The following PKD1L1 variants were observed in gnomAD, a reference collection of about 807,000 sequenced individuals.
PKD1L1 encodes polycystin 1 like 1, transient receptor potential channel interacting.
Under a neutral mutation model 323.4 loss-of-function variants are expected in PKD1L1, and 236 were observed. The observed-to-expected ratio is 0.73, with a 90% CI of 0.66 to 0.81. PKD1L1 has a LOEUF of 0.81. Ranked by LOEUF, PKD1L1 falls within the 40% of genes least tolerant of loss-of-function variation. PKD1L1 has a pLI of 0.00. For missense variants in PKD1L1, 3,320 were observed against 3,508.0 expected (o/e 0.95, Z 1.35); for synonymous variants, 1,344 against 1,335.0 (o/e 1.01, Z -0.15).
chr7:47,814,663 G>A (rs564235724), intron 47 of PKD1L1, among the ~76,000 whole-genome samples: 1 of 152,146 alleles, frequency 6.6e-6, no homozygotes, highest in Non-Finnish European at 1.5e-5. Flanking sequence ...ATAGGCACGC[G>A]CCACCACACA....
intron 4 of PKD1L1, 67 bp from the exon 5 acceptor site, chr7:47,932,123 A>G: frequency 6.5e-7 from 1 of 1,537,150 alleles, no homozygotes; most frequent in Non-Finnish European, 8.8e-7. Context: ...TATCTGGCTT[A>G]TTTGATTACA....
At chr7:47,952,706 G>GAAT (rs1788221738), upstream of PKD1L1, among the ~76,000 whole-genome samples, 1 of 152,202 alleles carries the variant, frequency 6.6e-6, no homozygotes, top group Admixed American at 6.5e-5. Flanking sequence ...CATAGTTATT[G>GAAT]AAGTATCATG....
chr7:47,886,830 A>C (rs376699934), intron 17 of PKD1L1, among the ~76,000 whole-genome samples: 1 of 152,166 alleles, frequency 6.6e-6, no homozygotes, highest in Non-Finnish European at 1.5e-5. Context: ...CCTTTATAGC[A>C]GTGCAAGAAG....
At chr7:47,826,704 C>T (rs1239948026) in intron 45 of PKD1L1, among the ~76,000 whole-genome samples, 1 of 152,110 alleles carries the variant, frequency 6.6e-6, no homozygotes, top group Admixed American at 6.5e-5. Flanking sequence ...TGGCTGCCAT[C>T]CAGCACCACC....
chr7:47,930,504 C>CG (rs1217385751), intron 6 of PKD1L1, among the ~76,000 whole-genome samples: 1 of 143,766 alleles, frequency 7.0e-6, no homozygotes, highest in African/African-American at 2.6e-5. Context: ...GACTCCCTCT[C>CG]GAAAAAAAAA....
At chr7:47,825,771 A>G (rs1785230701) in intron 45 of PKD1L1, among the ~76,000 whole-genome samples, 1 of 152,056 alleles carries the variant, frequency 6.6e-6, no homozygotes, top group South Asian at 2.1e-4. Flanking sequence ...GCCTAAGTGT[A>G]TTTTGTTGTA....
chr7:47,865,241 C>T lies in PKD1L1; in HGVS notation c.4124G>A (p.Arg1375Lys). 6.2e-7 allele frequency: 1 copy of T among 1,613,476 alleles called. No individual in the cohort carries two copies. Among genetic ancestry groups the T allele is most frequent in the South Asian group, 1.1e-5 (1 of 90,984 alleles). The change falls in exon 26 of 57, where the codon AGG becomes AAG. Residue 1375 changes from arginine (R) to lysine (K), a missense_variant. By Grantham distance (26) the Arg-to-Lys change is conservative. Coordinates refer to ENST00000289672, the MANE Select transcript of PKD1L1 (RefSeq NM_138295.5). ...EEMIGSVLMLRDLVSFSNKLG... is the reference protein window; with the variant it reads ...EEMIGSVLMLKDLVSFSNKLG... ...CTTATTAGAGAAGCTCACGAGGTCC[C>T]TCAACATAAGAACAGAACCAATCAT...
chr7:47,846,732 G>C (rs1785672064), intron 32 of PKD1L1, 147 bp downstream of exon 32: 5 of 712,378 alleles, frequency 7.0e-6, no homozygotes, highest in Non-Finnish European at 1.1e-5. Flanking sequence ...TGAGAGAACT[G>C]ACACAGGCTG....
intron 56 of PKD1L1, among the ~76,000 whole-genome samples, chr7:47,781,409 G>GTTTTTTTTT (rs60759497): frequency 2.8e-5 from 2 of 71,770 alleles, no homozygotes; most frequent in Admixed American, 1.7e-4. Context: ...GTTTTGTTTT[G>GTTTTTTTTT]TTTTTTTTTT....
At chr7:47,906,403 C>CATACACATACCACACATATAGCAT (rs1562984072) in intron 9 of PKD1L1, among the ~76,000 whole-genome samples, 1 of 151,986 alleles carries the variant, frequency 6.6e-6, no homozygotes, top group East Asian at 1.9e-4. Context: ...GTACACACAC[C>CATACACATACCACACATATAGCAT]ATACACATAC....
intron 33 of PKD1L1, among the ~76,000 whole-genome samples, chr7:47,844,557 A>C (rs7782936): frequency 0.2 from 29,752 of 152,170 alleles, 3,174 homozygotes; most frequent in Middle Eastern, 0.23. Flanking sequence ...AATAGTGTAC[A>C]TTTTAAATCT....
At chr7:47,857,257 C>T (rs1048100863) in intron 28 of PKD1L1, among the ~76,000 whole-genome samples, 5 of 152,216 alleles carry the variant, frequency 3.3e-5, no homozygotes, top group African/African-American at 1.2e-4. Context: ...TCTAAAGACA[C>T]GATTGGCCAG....
chr7:47,801,616 G>A (rs1784664180), intron 53 of PKD1L1, among the ~76,000 whole-genome samples: 1 of 152,202 alleles, frequency 6.6e-6, no homozygotes, highest in East Asian at 1.9e-4. Context: ...CTGTGTGGGT[G>A]CTTGCTGGAT....
chr7:47,813,798 C>T (rs372797139), intron 48 of PKD1L1, 133 bp downstream of exon 48: 68 of 764,592 alleles, frequency 8.9e-5, no homozygotes, highest in African/African-American at 1.7e-4. Context: ...TCCCCAGCCC[C>T]GGCACTGACA....
At position 47,924,434 on chromosome 7, in the gene PKD1L1, G is replaced by A. The variant is rs944071823; in HGVS notation, c.1060+4770C>T. Among the ~76,000 whole-genome samples the A allele has an allele frequency of 2.0e-5, 3 of 152,082 alleles. No individual in the cohort carries two copies. The East Asian group carries it at 5.8e-4, about 29-fold the overall frequency. ...AAAATATCTCAAAATCAGATCTTTA[G>A]GTTTCACAATAGTGATGTTATTTAC... On this transcript the variant is annotated intron_variant, in intron 7 of 56. Coordinates refer to ENST00000289672, the MANE Select transcript of PKD1L1 (RefSeq NM_138295.5).
chr7:47,836,867 G>T, intron 37 of PKD1L1, 54 bp downstream of exon 37: 1 of 1,552,604 alleles, frequency 6.4e-7, no homozygotes, highest in South Asian at 1.2e-5. Flanking sequence ...GCAAAAAGGG[G>T]CCACAGTGTA....
At chr7:47,831,664 G>A (rs982599654) in intron 41 of PKD1L1, among the ~76,000 whole-genome samples, 2 of 152,166 alleles carry the variant, frequency 1.3e-5, no homozygotes. Context: ...TGGGACATTG[G>A]TGCTCACCTA....
chr7:47,956,983 C>A, the PKD1L1 span: 1 of 152,934 alleles, frequency 6.5e-6, no homozygotes, highest in Non-Finnish European at 1.5e-5. Context: ...GAAGGTTTTG[C>A]TCAAATTCAA....
intron 16 of PKD1L1, among the ~76,000 whole-genome samples, chr7:47,889,876 G>A (rs926707379): frequency 6.6e-6 from 1 of 152,182 alleles, no homozygotes; most frequent in Non-Finnish European, 1.5e-5. Context: ...CTGGGCTCCT[G>A]CTCCATCCCG....
Sources: gnomAD v4.1 joint callset for allele counts (sites outside exome capture counted in the v4.1 genomes callset) on GRCh38, gnomAD v4.1.1 for gene constraint, MANE v1.5 for transcripts, NCBI Gene and HGNC (gene_info 2026-07-23, HGNC 2026-07-21) for gene names.